EPHA3: variants seen among roughly 807,000 people sequenced by gnomAD.
EPHA3 encodes EPH receptor A3, also known as ephrin type-A receptor 3.
Under a neutral mutation model 107.1 loss-of-function variants are expected in EPHA3, and 42 were observed. The ratio of observed to expected loss-of-function variants is 0.39; its 90% CI spans 0.31 to 0.51. EPHA3 has a LOEUF of 0.51. EPHA3 is among the 20% of genes least tolerant of loss of function. The pLI is 0.78. For synonymous variants in EPHA3, 461 were observed against 424.8 expected (o/e 1.09, Z -1.05); for missense variants, 1,183 against 1,211.2 (o/e 0.98, Z 0.35).
intron 3 of EPHA3, among the ~76,000 whole-genome samples, chr3:89,296,506 T>C (rs1256006667): frequency 6.6e-6 from 1 of 152,204 alleles, no homozygotes. Context: ...GTCTCAATAG[T>C]GGGCTTGAAA....
rs57254382 is a variant in EPHA3 at position 89,400,636 on chromosome 3, CGT to C, written c.1594+1179_1594+1180del. On this transcript the variant is annotated intron_variant, in intron 7 of 16. Coordinates refer to ENST00000336596, the MANE Select transcript of EPHA3 (RefSeq NM_005233.6). ...ATAATTATGTGTGTGTGTGTGTGAG[CGT>C]GTGTGTGTGTGTGTGTGTGTGTTTA... Among the ~76,000 whole-genome samples the C allele has an allele frequency of 3.0e-3, 428 of 145,012 alleles. 1 individual carries two copies. The highest frequency in any genetic ancestry group is 0.011 in the Middle Eastern group (3 of 284).
intron 5 of EPHA3, among the ~76,000 whole-genome samples, chr3:89,343,004 G>A (rs1707566254): frequency 6.6e-6 from 1 of 152,114 alleles, no homozygotes; most frequent in Non-Finnish European, 1.5e-5. Context: ...CTCTGAGCTG[G>A]TTGTCAAGAT....
At chr3:89,431,852 A>G (rs1339305893) in intron 13 of EPHA3, among the ~76,000 whole-genome samples, 1 of 152,180 alleles carries the variant, frequency 6.6e-6, no homozygotes, top group Non-Finnish European at 1.5e-5. Context: ...TAAGATTGTG[A>G]GTCAATTCTT....
At chr3:89,469,273 A>C (rs1046066163) in intron 15 of EPHA3, among the ~76,000 whole-genome samples, 1 of 152,182 alleles carries the variant, frequency 6.6e-6, no homozygotes, top group Non-Finnish European at 1.5e-5. Flanking sequence ...AATGACCATC[A>C]CAGAGAGGGG....
intron 2 of EPHA3, among the ~76,000 whole-genome samples, chr3:89,200,255 A>G (rs772389762): frequency 1.8e-4 from 28 of 152,338 alleles, no homozygotes; most frequent in South Asian, 4.1e-4. Flanking sequence ...ATTTATATAC[A>G]CGTACCTTGT....
chr3:89,216,178 T>C (rs1704220036), intron 3 of EPHA3, among the ~76,000 whole-genome samples: 1 of 151,974 alleles, frequency 6.6e-6, no homozygotes, highest in African/African-American at 2.4e-5. Flanking sequence ...ATGTATGGGT[T>C]AATCTTCCCA....
At chr3:89,346,253 G>A (rs62275012) in intron 5 of EPHA3, among the ~76,000 whole-genome samples, 15 of 128,892 alleles carry the variant, frequency 1.2e-4, no homozygotes, top group Admixed American at 4.6e-4. Context: ...AAGTGTTCCT[G>A]TTTCTCCACA....
intron 2 of EPHA3, among the ~76,000 whole-genome samples, chr3:89,194,767 C>G (rs909790593): frequency 1.3e-5 from 2 of 152,064 alleles, no homozygotes; most frequent in African/African-American, 4.8e-5. Flanking sequence ...AATACCTATA[C>G]AGTTATTGAA....
intron 2 of EPHA3, among the ~76,000 whole-genome samples, chr3:89,159,603 A>T (rs1292215212): frequency 6.6e-6 from 1 of 152,138 alleles, no homozygotes; most frequent in East Asian, 1.9e-4. Context: ...ATAGTCAATG[A>T]AACCAATTGG....
intron 3 of EPHA3, among the ~76,000 whole-genome samples, chr3:89,236,727 A>G (rs1161795676): frequency 1.3e-5 from 2 of 152,174 alleles, no homozygotes; most frequent in African/African-American, 4.8e-5. Flanking sequence ...AACTTAAAGT[A>G]TAATTGAAAA....
At chr3:89,347,547 A>T (rs1360878736) in intron 5 of EPHA3, among the ~76,000 whole-genome samples, 1 of 149,008 alleles carries the variant, frequency 6.7e-6, no homozygotes, top group African/African-American at 2.5e-5. Context: ...ATATACAATC[A>T]TGTAGTCTGC....
rs74820629 is a variant in EPHA3, at chr3:89,414,444, C to T, written c.1888+1178C>T. On this transcript the variant is annotated intron_variant, in intron 10 of 16. Transcript: ENST00000336596. ...ATATTCGCTGTACATCTGTGCTGATCCAGTGCCAAAACAGATATATATTGT... is the reference window on the plus strand; with the variant it reads ...ATATTCGCTGTACATCTGTGCTGATTCAGTGCCAAAACAGATATATATTGT... Among the ~76,000 whole-genome samples the T allele has an allele frequency of 7.0e-3, 1,058 of 151,698 alleles. 6 individuals are homozygous for T. The highest frequency in any genetic ancestry group is 0.014 in the Middle Eastern group (4 of 294).
chr3:89,242,485 T>G (rs1448760983), intron 3 of EPHA3, among the ~76,000 whole-genome samples: 1 of 152,234 alleles, frequency 6.6e-6, no homozygotes, highest in Non-Finnish European at 1.5e-5. Context: ...TCGCCCAGGC[T>G]GCAGTGCAGT....
chr3:89,336,441 A>G (rs1275290446), intron 3 of EPHA3, among the ~76,000 whole-genome samples: 3 of 152,206 alleles, frequency 2.0e-5, no homozygotes, highest in Non-Finnish European at 2.9e-5. Context: ...GCACAAGTTG[A>G]TTTACTGCAA....
At chr3:89,277,868 T>C in intron 3 of EPHA3, among the ~76,000 whole-genome samples, 1 of 152,200 alleles carries the variant, frequency 6.6e-6, no homozygotes, top group Non-Finnish European at 1.5e-5. Flanking sequence ...ACACAATGAT[T>C]CTCTTTTGGA....
intron 2 of EPHA3, among the ~76,000 whole-genome samples, chr3:89,206,675 A>G (rs1467689891): frequency 1.3e-5 from 2 of 152,164 alleles, no homozygotes; most frequent in Non-Finnish European, 1.5e-5. Context: ...TTCAACATAT[A>G]CATTCATTTT....
chr3:89,147,740 G>A (rs1704596729), intron 2 of EPHA3, among the ~76,000 whole-genome samples: 1 of 151,804 alleles, frequency 6.6e-6, no homozygotes. Flanking sequence ...AGGAATTTTG[G>A]TCTAGAAGTA....
At chr3:89,232,124 G>A (rs1456243202) in intron 3 of EPHA3, among the ~76,000 whole-genome samples, 2 of 152,046 alleles carry the variant, frequency 1.3e-5, no homozygotes, top group African/African-American at 4.8e-5. Context: ...ATATTTTGGG[G>A]TGTCGTGTTC....
At chr3:89,276,442 A>T in intron 3 of EPHA3, among the ~76,000 whole-genome samples, 1 of 152,084 alleles carries the variant, frequency 6.6e-6, no homozygotes, top group East Asian at 1.9e-4. Context: ...TGGATGCCTG[A>T]CTGTGAAGAG....
Sources: gnomAD v4.1 joint callset for allele counts (sites outside exome capture counted in the v4.1 genomes callset) on GRCh38, gnomAD v4.1.1 for gene constraint, MANE v1.5 for transcripts, NCBI Gene and HGNC (gene_info 2026-07-23, HGNC 2026-07-21) for gene names.